Variants in APP observed in about 807,000 individuals in gnomAD.
APP encodes amyloid-beta precursor protein.
In APP, 31 loss-of-function variants were observed where a neutral mutation model predicts 101.4. That is an observed-to-expected ratio of 0.31 (90% CI 0.23 to 0.41). The LOEUF (loss-of-function observed/expected upper bound fraction) is 0.41. Among genes scored for constraint, APP ranks in the 10% least tolerant of loss-of-function variants. The pLI, the probability that APP is intolerant of heterozygous loss-of-function variation, is 1.00. For missense variants in APP, 839 were observed against 1,003.7 expected (o/e 0.84, Z 2.22); for synonymous variants, 366 against 364.4 (o/e 1.00, Z -0.05).
intron 5 of APP, among the ~76,000 whole-genome samples, chr21:26,030,075 C>T (rs985702838): frequency 2.0e-5 from 3 of 152,218 alleles, no homozygotes; most frequent in African/African-American, 7.2e-5. Context: ...ACTCTGCTAT[C>T]TCAGTACACA....
intron 5 of APP, among the ~76,000 whole-genome samples, chr21:26,033,380 T>C (rs954734055): frequency 6.6e-6 from 1 of 152,214 alleles, no homozygotes; most frequent in Middle Eastern, 3.2e-3. Context: ...TCTGCCATGA[T>C]TGTAAGTTTC....
At chr21:26,155,520 G>C (rs1015608410) in intron 1 of APP, among the ~76,000 whole-genome samples, 1 of 151,990 alleles carries the variant, frequency 6.6e-6, no homozygotes, top group Non-Finnish European at 1.5e-5. Flanking sequence ...GTCAGTCCTG[G>C]GCATGCATGA....
intron 15 of APP, among the ~76,000 whole-genome samples, chr21:25,900,967 G>A (rs1307065440): frequency 4.2e-5 from 5 of 119,078 alleles, no homozygotes; most frequent in African/African-American, 1.5e-4. Flanking sequence ...CAGCCTGGGC[G>A]ACAGAGTGAG....
chr21:26,153,005 A>C (rs8126837), intron 1 of APP, among the ~76,000 whole-genome samples: 53,858 of 152,058 alleles, frequency 0.35, 10,114 homozygotes, highest in African/African-American at 0.49. Flanking sequence ...ACTTGGATAG[A>C]GCTGGAGGCC....
intron 5 of APP, among the ~76,000 whole-genome samples, chr21:26,026,217 C>A (rs905393263): frequency 3.3e-5 from 5 of 152,190 alleles, no homozygotes; most frequent in Non-Finnish European, 7.3e-5. Flanking sequence ...ACATTCATAC[C>A]ACATTCGCAG....
chr21:25,974,953 T>C, intron 11 of APP, 117 bp downstream of exon 11: 1 of 1,458,520 alleles, frequency 6.9e-7, no homozygotes, highest in Non-Finnish European at 9.4e-7. Context: ...AACCTCTGAA[T>C]AACAGTGCTC....
intron 13 of APP, among the ~76,000 whole-genome samples, chr21:25,924,424 AAAAG>A (rs1457058346): frequency 1.8e-4 from 19 of 105,724 alleles, no homozygotes; most frequent in Admixed American, 7.2e-4. Context: ...AAAAAAAAAA[AAAAG>A]GAAAAAAAAA....
At chr21:26,009,265 C>G (rs767710207) in intron 6 of APP, among the ~76,000 whole-genome samples, 1 of 152,150 alleles carries the variant, frequency 6.6e-6, no homozygotes, top group African/African-American at 2.4e-5. Context: ...TCTTAAGATT[C>G]AAATATACAG....
intron 14 of APP, among the ~76,000 whole-genome samples, chr21:25,906,565 A>G (rs1277152530): frequency 6.6e-6 from 1 of 152,272 alleles, no homozygotes; most frequent in Admixed American, 6.5e-5. Context: ...GAGAGTGACT[A>G]TTCTCTAGTA....
At chr21:26,153,526 G>T (rs562098435) in intron 1 of APP, among the ~76,000 whole-genome samples, 25 of 152,204 alleles carry the variant, frequency 1.6e-4, no homozygotes, top group African/African-American at 5.3e-4. Flanking sequence ...GCCCAGGCTT[G>T]TCTCAAACTC....
intron 1 of APP, among the ~76,000 whole-genome samples, chr21:26,166,390 C>T (rs1056069192): frequency 6.6e-6 from 1 of 152,072 alleles, no homozygotes. Context: ...TTGCAAAAGA[C>T]GGCATTTCCC....
At chr21:26,077,440 A>G (rs1168943391) in intron 3 of APP, among the ~76,000 whole-genome samples, 1 of 152,182 alleles carries the variant, frequency 6.6e-6, no homozygotes, top group Admixed American at 6.5e-5. Context: ...CGTATCTTAC[A>G]ACGCTGTTAT....
In APP at chr21:25,920,383, A is replaced by G. The variant is rs374575190; in HGVS notation, c.1688-8421T>C. ...ATCAAATTCACACATAACAGTATTA[A>G]CTTTAAATGTAAATGGACTAAATTC... On this transcript the variant is annotated intron_variant, in intron 13 of 17. Transcript: ENST00000346798. 6.8e-3 allele frequency among the ~76,000 whole-genome samples: 1,040 copies of G among 152,316 alleles called. 10 individuals are homozygous for G. Among genetic ancestry groups the G allele is most frequent in the Middle Eastern group, 0.037 (11 of 294 alleles).
intron 14 of APP, among the ~76,000 whole-genome samples, chr21:25,905,464 T>C (rs920151800): frequency 6.6e-6 from 1 of 152,214 alleles, no homozygotes; most frequent in Non-Finnish European, 1.5e-5. Flanking sequence ...TACTTCCTTT[T>C]ACAACTGCCC....
At position 26,021,970 on chromosome 21, in the gene APP, G is replaced by A. The variant is rs201941279; in HGVS notation, c.735C>T (p.Asp245=). ...CCTCATCACCATCCTCATCGTCCTC[G>A]TCATCATCGGCTTCTTCTTCTTCCA... is the stretch of plus-strand genomic sequence containing the variant. ...AEVEEEEADD[D]EDDEDGDEVE... The change falls in exon 6 of 18, where the codon GAC becomes GAT. Residue 245 remains aspartate, a synonymous_variant. Transcript: ENST00000346798. 1.2e-5 allele frequency: 19 copies of A among 1,613,680 alleles called. No homozygotes were observed. The highest frequency in any genetic ancestry group is 8.8e-5 in the South Asian group (8 of 91,014).
At chr21:25,917,465 A>G (rs2039410067) in intron 13 of APP, among the ~76,000 whole-genome samples, 1 of 152,228 alleles carries the variant, frequency 6.6e-6, no homozygotes, top group Admixed American at 6.5e-5. Context: ...AAATAGCCTT[A>G]TAAATAAAAG....
At chr21:25,925,447 G>A (rs1241853934) in intron 13 of APP, among the ~76,000 whole-genome samples, 4 of 152,136 alleles carry the variant, frequency 2.6e-5, no homozygotes, top group Admixed American at 2.6e-4. Flanking sequence ...TTCTCTGGGA[G>A]TTTGTTAGAC....
At chr21:25,899,972 T>A (rs1424262168) in intron 15 of APP, among the ~76,000 whole-genome samples, 4 of 152,146 alleles carry the variant, frequency 2.6e-5, no homozygotes, top group South Asian at 2.1e-4. Flanking sequence ...GACCTAACCC[T>A]CAACCCCCAA....
chr21:26,169,422 G>A (rs2146409841), intron 1 of APP: 1 of 152,736 alleles, frequency 6.5e-6, no homozygotes, highest in East Asian at 1.9e-4. Context: ...CAGGGAAGAG[G>A]CCGCGCCTTA....
Sources: gnomAD v4.1 joint callset for allele counts (sites outside exome capture counted in the v4.1 genomes callset) on GRCh38, gnomAD v4.1.1 for gene constraint, MANE v1.5 for transcripts, NCBI Gene and HGNC (gene_info 2026-07-23, HGNC 2026-07-21) for gene names.